The following AKT2 variants were observed in gnomAD, a reference collection of about 807,000 sequenced individuals.
AKT2 encodes AKT serine/threonine kinase 2, also known as RAC-beta serine/threonine-protein kinase.
A neutral mutation model predicts 58.6 loss-of-function variants in AKT2; 16 were observed. The observed-to-expected ratio is 0.27, with a 90% confidence interval of 0.18 to 0.41. The LOEUF is 0.41. Ranked by LOEUF, AKT2 falls within the 10% of genes least tolerant of loss-of-function variation. AKT2 has a pLI of 1.00. For synonymous variants in AKT2, 253 were observed against 254.0 expected (o/e 1.00, Z 0.04); for missense variants, 438 against 661.0 (o/e 0.66, Z 3.70).
rs750328860 is a variant in AKT2, at chr19:40,242,579, C to A, written c.396G>T (p.Thr132=). The A allele has an allele frequency of 6.2e-7, 1 of 1,613,918 alleles. No individual in the cohort carries two copies. Among genetic ancestry groups the A allele is most frequent in the Admixed American group, 1.7e-5 (1 of 60,024 alleles). ...TGACCGCCACTTCCATCTCCTCAGT[C>A]GTGGAGGAGTCACTGGGGGAGCCAC... ...YKCGSPSDSS[T]TEEMEVAVSK... is the part of the protein sequence containing the mutation. Residue 132 remains threonine (T), a synonymous_variant, in exon 5 of 14, where the codon ACG becomes ACT. Coordinates refer to ENST00000392038, the MANE Select transcript of AKT2 (RefSeq NM_001626.6). The surrounding 1 kb of genome is among the most constrained non-coding windows in gnomAD (Gnocchi z 4.3).
chr19:40,233,514 A>G lies in AKT2; in HGVS notation c.*358T>C, dbSNP rs1973821318. Reference sequence around the variant, plus strand: ...CGTCCAGATGCAGCAGCGCGGAGGCAGACACCAGCACGACACCCAGGCCAG... The same window carrying G: ...CGTCCAGATGCAGCAGCGCGGAGGCGGACACCAGCACGACACCCAGGCCAG... On this transcript the variant is annotated 3_prime_UTR_variant, in exon 14 of 14. Coordinates refer to ENST00000392038, the MANE Select transcript of AKT2 (RefSeq NM_001626.6). The surrounding 1 kb of genome is among the most constrained non-coding windows in gnomAD (Gnocchi z 4.3). The G allele has an allele frequency of 1.6e-6, 1 of 611,862 alleles. No individual in the cohort carries two copies. Among genetic ancestry groups the G allele is most frequent in the African/African-American group, 1.8e-5 (1 of 56,580 alleles). 37.9% of individuals were successfully genotyped at this position (611,862 alleles called of 1,614,324 possible). A position where few individuals can be genotyped will look rare whatever the true frequency, so the allele number is the denominator to read the frequency against.
chr19:40,279,650 C>T (rs1222718754), intron 1 of AKT2: 8 of 114,690 alleles, frequency 7.0e-5, no homozygotes, highest in Non-Finnish European at 1.5e-4. Flanking sequence ...TGGAACACAC[C>T]TCAAAAAAAA....
chr19:40,250,664 C>T (rs1351930573), intron 4 of AKT2, among the ~76,000 whole-genome samples: 2 of 151,756 alleles, frequency 1.3e-5, no homozygotes, highest in Admixed American at 6.6e-5. Flanking sequence ...CCCATCTCTA[C>T]AAAAAATACA....
chr19:40,233,134 G>T lies in AKT2; in HGVS notation c.*738C>A. 4.2e-6 allele frequency: 1 copy of T among 238,502 alleles called. No individual in the cohort carries two copies. Among genetic ancestry groups the T allele is most frequent in the East Asian group, 6.0e-5 (1 of 16,664 alleles). The allele number at this position is 238,502 out of a possible 1,614,324, so 14.8% of individuals were successfully genotyped here. ...GAAGCCCTAGTAAGGCACGGGGCTG[G>T]GAGGCAGGCAGGTTTGGCCCCAAAT... On this transcript the variant is annotated 3_prime_UTR_variant, in exon 14 of 14. Coordinates refer to ENST00000392038, the MANE Select transcript of AKT2 (RefSeq NM_001626.6). This position sits in a 1 kb window ranked among gnomAD's most constrained non-coding sequence, Gnocchi z 4.3.
intron 6 of AKT2, among the ~76,000 whole-genome samples, chr19:40,240,521 A>G (rs1974332714): frequency 6.6e-6 from 1 of 152,226 alleles, no homozygotes; most frequent in Admixed American, 6.5e-5. Flanking sequence ...GCACCTCAGC[A>G]CCGCCTGGGA....
chr19:40,260,715 T>A (rs1975882005), intron 2 of AKT2, among the ~76,000 whole-genome samples: 1 of 147,424 alleles, frequency 6.8e-6, no homozygotes, highest in East Asian at 2.1e-4. Context: ...GTGATACATC[T>A]ACAACATAGA....
rs756386432 is a variant in AKT2, at chr19:40,238,121, T to C, written c.709-30A>G. The stretch of plus-strand genomic sequence containing the variant: ...AGGAGGAAGGGGTGGGGAGAGGAGG[T>C]CAGGCCCCAGCCCACCCACCTGCCC... On this transcript the variant is annotated intron_variant, in intron 8 of 13. Transcript: ENST00000392038. The surrounding 1 kb of genome is among the most constrained non-coding windows in gnomAD (Gnocchi z 5.1). The C allele has an allele frequency of 1.1e-5, 17 of 1,571,116 alleles. No homozygotes were observed. The African/African-American group carries it at 2.2e-4, about 20-fold the overall frequency.
chr19:40,283,985 G>A (rs999469879), intron 1 of AKT2, among the ~76,000 whole-genome samples: 10 of 152,172 alleles, frequency 6.6e-5, no homozygotes, highest in Admixed American at 2.6e-4. Flanking sequence ...AGTGGTCTGC[G>A]TTGGTTCCTG....
chr19:40,246,263 A>C (rs1474588503), intron 4 of AKT2, among the ~76,000 whole-genome samples: 3 of 152,060 alleles, frequency 2.0e-5, no homozygotes, highest in African/African-American at 7.2e-5. Context: ...CCTCCAGAGT[A>C]GCTGGAACTA....
At chr19:40,236,454 C>A in intron 9 of AKT2, 69 bp from the exon 10 acceptor site, 1 of 1,607,492 alleles carries the variant, frequency 6.2e-7, no homozygotes. Context: ...CCTTTCCTTC[C>A]AGGGAAAGAT....
At chr19:40,285,116 C>CCGCGGGGGGCCCGGACGCGACCAT in intron 1 of AKT2, 65 bp downstream of exon 1, 1 of 390,876 alleles carries the variant, frequency 2.6e-6, no homozygotes, top group Non-Finnish European at 4.5e-6. Flanking sequence ...CATCGCGGCA[C>CCGCGGGGGGCCCGGACGCGACCAT]CGCGGGGGGC....
chr19:40,267,381 CCCTA>C (rs1976433481), intron 1 of AKT2, among the ~76,000 whole-genome samples: 1 of 152,158 alleles, frequency 6.6e-6, no homozygotes, highest in Admixed American at 6.5e-5. Context: ...AGCCTCTCCG[CCCTA>C]CCTGACTCTC....
chr19:40,234,295 C>T lies in AKT2; in HGVS notation c.1367-344G>A, dbSNP rs963621520. ...CTCGCACCCTCCCATCCATTCTCCA[C>T]GGGCAGCCAGGGGGGCTTTCTAAAG... On this transcript the variant is annotated intron_variant, in intron 13 of 13. Coordinates refer to ENST00000392038, the MANE Select transcript of AKT2 (RefSeq NM_001626.6). This position sits in a 1 kb window ranked among gnomAD's most constrained non-coding sequence, Gnocchi z 4.7. 2.0e-5 allele frequency among the ~76,000 whole-genome samples: 3 copies of T among 152,140 alleles called. 1 individual carries two copies. The highest frequency in any genetic ancestry group is 1.3e-4 in the Admixed American group (2 of 15,284).
Position 40,234,848 on chromosome 19 carries a change from T to C in AKT2, c.1366+197A>G, listed in dbSNP as rs1482920032. The C allele has an allele frequency of 1.5e-6, 1 of 674,168 alleles. No homozygotes were observed. Among genetic ancestry groups the C allele is most frequent in the Admixed American group, 2.1e-5 (1 of 46,540 alleles). The allele number at this position is 674,168 out of a possible 1,614,324, so 41.8% of individuals were successfully genotyped here. A position where few individuals can be genotyped will look rare whatever the true frequency, so the allele number is the denominator to read the frequency against. ...CCCCCGACTGAGCTCCAGAACGTGCTGCAGTCAATGGCTCCTGGTGGCCTC... is the reference window on the plus strand; with the variant it reads ...CCCCCGACTGAGCTCCAGAACGTGCCGCAGTCAATGGCTCCTGGTGGCCTC... On this transcript the variant is annotated intron_variant, in intron 13 of 13. Coordinates refer to ENST00000392038, the MANE Select transcript of AKT2 (RefSeq NM_001626.6). The surrounding 1 kb of genome is among the most constrained non-coding windows in gnomAD (Gnocchi z 4.7).
intron 1 of AKT2, among the ~76,000 whole-genome samples, chr19:40,271,333 G>A (rs1434619357): frequency 6.7e-6 from 1 of 148,794 alleles, no homozygotes; most frequent in Non-Finnish European, 1.5e-5. Context: ...AGGCTGAGGT[G>A]GGAGGTTGAC....
At chr19:40,244,325 T>A (rs1222063573) in intron 4 of AKT2, 1 of 151,728 alleles carries the variant, frequency 6.6e-6, no homozygotes, top group Non-Finnish European at 1.5e-5. Flanking sequence ...ATGCCTGTGG[T>A]CTCAGCTACT....
chr19:40,252,542 C>T (rs1391570613), intron 4 of AKT2, among the ~76,000 whole-genome samples: 1 of 152,190 alleles, frequency 6.6e-6, no homozygotes, highest in Non-Finnish European at 1.5e-5. Context: ...TCCCCTGCAT[C>T]GTGTAACTAC....
rs764512283 is a variant in AKT2 at position 40,255,170 on chromosome 19, G to A, written c.275C>T (p.Ser92Phe). The A allele has an allele frequency of 1.2e-6, 2 of 1,613,870 alleles. No individual in the cohort carries two copies. The highest frequency in any genetic ancestry group is 1.1e-5 in the South Asian group (1 of 91,080). The change falls in exon 4 of 14, where the codon TCT becomes TTT. Residue 92 changes from serine (S) to phenylalanine (F), a missense_variant. This residue lies in a region of AKT2 where 244 missense variants were observed against 347.1 expected (regional missense o/e 0.70). Coordinates refer to ENST00000392038, the MANE Select transcript of AKT2 (RefSeq NM_001626.6). Reference protein sequence around the residue: ...TVIERTFHVDSPDEREEWMRA... With the variant: ...TVIERTFHVDFPDEREEWMRA... ...GGCCCAGACTGACCTCTCGTCTGGA[G>A]AATCCACGTGGAAGGTCCTCTCGAT...
At chr19:40,283,373 G>A (rs1439171571) in intron 1 of AKT2, among the ~76,000 whole-genome samples, 1 of 152,194 alleles carries the variant, frequency 6.6e-6, no homozygotes, top group Non-Finnish European at 1.5e-5. Context: ...CTAAAAGCTG[G>A]CAGGAGAGGA....
Sources: allele counts gnomAD v4.1 joint callset (sites outside exome capture counted in the v4.1 genomes callset), GRCh38; gene constraint gnomAD v4.1.1; regional missense constraint gnomAD v4.1.1; non-coding constraint Gnocchi (gnomAD v3.1); transcripts MANE v1.5; gene names NCBI Gene and HGNC (gene_info 2026-07-23, HGNC 2026-07-21).